APBB2: variants seen among roughly 807,000 people sequenced by gnomAD.
APBB2 encodes Fe65-like 1.
A neutral mutation model predicts 82.5 loss-of-function variants in APBB2; 38 were observed. That is an observed-to-expected ratio of 0.46 (90% CI 0.36 to 0.60). APBB2 has a LOEUF of 0.60. APBB2 is among the 20% of genes least tolerant of loss of function. The pLI is 0.00. For synonymous variants in APBB2, 341 were observed against 368.2 expected, an observed-to-expected ratio of 0.93 and a Z score of 0.85; for missense variants, 772 against 972.3, an observed-to-expected ratio of 0.79 and a Z score of 2.74.
rs764378370 is a variant in APBB2 at position 41,013,578 on chromosome 4, G to T, written c.835+5C>A. 3.1e-6 allele frequency: 5 copies of T among 1,612,486 alleles called. No homozygotes were observed. In the African/African-American group the frequency reaches 6.7e-5, roughly 22 times the overall value. On this transcript the variant is annotated splice_donor_5th_base_variant and intron_variant, in intron 6 of 17. Transcript: ENST00000508593. Reference sequence around the variant, plus strand: ...CAGCTGAGGCTACGCCTTCCCCAGGGGTACCTGTTTCATCCGGGGAGCTGG... The same window carrying T: ...CAGCTGAGGCTACGCCTTCCCCAGGTGTACCTGTTTCATCCGGGGAGCTGG...
At chr4:41,153,293 T>C (rs1762725214) in intron 1 of APBB2, among the ~76,000 whole-genome samples, 1 of 152,186 alleles carries the variant, frequency 6.6e-6, no homozygotes, top group East Asian at 1.9e-4. Flanking sequence ...AAATGTTTTA[T>C]CCAGAATATA....
At chr4:40,957,373 C>T (rs544286953) in intron 6 of APBB2, among the ~76,000 whole-genome samples, 2 of 152,220 alleles carry the variant, frequency 1.3e-5, no homozygotes, top group East Asian at 3.9e-4. Flanking sequence ...GATAATAACA[C>T]TGGCCACCCA....
chr4:41,081,171 G>C (rs1336391039), intron 3 of APBB2, among the ~76,000 whole-genome samples: 1 of 152,186 alleles, frequency 6.6e-6, no homozygotes, highest in Non-Finnish European at 1.5e-5. Context: ...TTGAAGAGCT[G>C]AGATAAATTT....
At chr4:41,009,531 T>C (rs963957709) in intron 6 of APBB2, among the ~76,000 whole-genome samples, 1 of 152,190 alleles carries the variant, frequency 6.6e-6, no homozygotes, top group Non-Finnish European at 1.5e-5. Flanking sequence ...AGGTTAGCCA[T>C]TGCATTTTAT....
At chr4:40,943,515 G>C (rs942993557) in intron 7 of APBB2, among the ~76,000 whole-genome samples, 2 of 152,126 alleles carry the variant, frequency 1.3e-5, no homozygotes, top group African/African-American at 4.8e-5. Context: ...TGTGGTACAG[G>C]GGGAATCCCA....
At chr4:41,084,864 T>G (rs559704866) in intron 3 of APBB2, among the ~76,000 whole-genome samples, 2 of 152,180 alleles carry the variant, frequency 1.3e-5, no homozygotes, top group South Asian at 4.2e-4. Context: ...AGGGAGAAAT[T>G]AAAGTAAGCC....
chr4:41,070,683 G>T (rs1374622332), intron 3 of APBB2, among the ~76,000 whole-genome samples: 4 of 152,098 alleles, frequency 2.6e-5, no homozygotes, highest in African/African-American at 7.2e-5. Flanking sequence ...CAAAGGTGAG[G>T]AATAGTTTTT....
chr4:40,830,405 C>T, intron 13 of APBB2, 58 bp downstream of exon 13: 1 of 1,263,350 alleles, frequency 7.9e-7, no homozygotes, highest in South Asian at 1.2e-5. Flanking sequence ...CTTCCACATC[C>T]TTTTATGCAG....
At chr4:40,928,919 A>G (rs909191769) in intron 10 of APBB2, among the ~76,000 whole-genome samples, 1 of 150,316 alleles carries the variant, frequency 6.7e-6, no homozygotes. Flanking sequence ...TGAACGAACG[A>G]ATGAATACAT....
chr4:41,073,214 C>A (rs1033103874), intron 3 of APBB2, among the ~76,000 whole-genome samples: 2 of 152,142 alleles, frequency 1.3e-5, no homozygotes, highest in African/African-American at 4.8e-5. Context: ...CTTCACTGCT[C>A]ATATAGCAAG....
chr4:40,918,138 G>A (rs1470959693), intron 10 of APBB2, among the ~76,000 whole-genome samples: 4 of 152,168 alleles, frequency 2.6e-5, no homozygotes, highest in East Asian at 1.9e-4. Flanking sequence ...ACAATGTGAC[G>A]TATCCCAGTG....
At chr4:41,015,706 G>C (rs1272074670) in intron 5 of APBB2, among the ~76,000 whole-genome samples, 1 of 152,206 alleles carries the variant, frequency 6.6e-6, no homozygotes, top group Non-Finnish European at 1.5e-5. Context: ...CCATAAGAGA[G>C]TCAAGGGCTG....
rs537473134 is a variant in APBB2, at chr4:41,039,050, C to T, written c.-50-5746G>A. On this transcript the variant is annotated intron_variant, in intron 4 of 17. Transcript: ENST00000508593. The stretch of plus-strand genomic sequence containing the variant: ...GGAATATTCCAAAAAATGTTAAATA[C>T]ACTTGTTTTTAAATGAGAAGGAGCT... Among the ~76,000 whole-genome samples, 12 of 152,290 alleles carry T rather than the reference C, an allele frequency of 7.9e-5. No individual in the cohort carries two copies. In the South Asian group the frequency reaches 2.3e-3, roughly 29 times the overall value.
At chr4:40,927,088 A>G (rs1389266481) in intron 10 of APBB2, among the ~76,000 whole-genome samples, 1 of 152,188 alleles carries the variant, frequency 6.6e-6, no homozygotes, top group African/African-American at 2.4e-5. Flanking sequence ...GAAATCTGAA[A>G]TTTTCTCAGA....
intron 13 of APBB2, among the ~76,000 whole-genome samples, chr4:40,829,915 G>A (rs949860154): frequency 1.3e-5 from 2 of 152,198 alleles, no homozygotes; most frequent in Non-Finnish European, 2.9e-5. Flanking sequence ...CCAGCTCCCT[G>A]CATTTGCAGA....
At chr4:41,055,732 G>A (rs1727606997) in intron 4 of APBB2, among the ~76,000 whole-genome samples, 2 of 152,206 alleles carry the variant, frequency 1.3e-5, no homozygotes, top group Admixed American at 1.3e-4. Context: ...ACCATTGTCT[G>A]TGTAGGCTTA....
chr4:40,963,615 A>C (rs1793871347), intron 6 of APBB2, among the ~76,000 whole-genome samples: 1 of 152,258 alleles, frequency 6.6e-6, no homozygotes, highest in South Asian at 2.1e-4. Context: ...TCTGCTCATC[A>C]CACATAAATG....
At chr4:41,032,929 C>T (rs916926080) in intron 5 of APBB2, among the ~76,000 whole-genome samples, 6 of 150,380 alleles carry the variant, frequency 4.0e-5, no homozygotes, top group Non-Finnish European at 7.4e-5. Context: ...GGACTACAGG[C>T]GCGCGCCACC....
chr4:40,818,199 A>G (rs1746489878), intron 17 of APBB2, among the ~76,000 whole-genome samples: 1 of 152,226 alleles, frequency 6.6e-6, no homozygotes, highest in Admixed American at 6.5e-5. Context: ...GCGGATTTGA[A>G]CTAAGAAGAA....
Sources: gnomAD v4.1 joint callset for allele counts (sites outside exome capture counted in the v4.1 genomes callset) on GRCh38, gnomAD v4.1.1 for gene constraint, MANE v1.5 for transcripts, NCBI Gene and HGNC (gene_info 2026-07-23, HGNC 2026-07-21) for gene names.